Variants in WWOX observed in about 807,000 individuals in gnomAD.
WWOX encodes the protein WW domain-containing oxidoreductase.
Under a neutral mutation model 46.2 loss-of-function variants are expected in WWOX, and 69 were observed. The ratio of observed to expected loss-of-function variants is 1.49; its 90% confidence interval spans 1.23 to 1.82. WWOX has a LOEUF of 1.82. WWOX is among the 40% of genes most tolerant of loss of function. WWOX has a pLI of 0.00. For missense variants in WWOX, 919 were observed against 542.6 expected (o/e 1.69, Z -6.89); for synonymous variants, 359 against 202.6 (o/e 1.77, Z -6.56).
At chr16:78,129,138 T>C (rs55990308) in intron 4 of WWOX, among the ~76,000 whole-genome samples, 7,987 of 152,210 alleles carry the variant, frequency 0.052, 283 homozygotes, top group Non-Finnish European at 0.069. Context: ...GAGGACCTTT[T>C]TCCTCCCAGG....
chr16:79,121,052 A>C (rs905938888), intron 8 of WWOX, among the ~76,000 whole-genome samples: 4 of 152,178 alleles, frequency 2.6e-5, no homozygotes, highest in African/African-American at 7.2e-5. Context: ...TACAGGCGTG[A>C]GTCACCATGC....
chr16:79,042,472 A>G (rs1378754822), intron 8 of WWOX, among the ~76,000 whole-genome samples: 3 of 152,208 alleles, frequency 2.0e-5, no homozygotes, highest in African/African-American at 4.8e-5. Context: ...TGCCCAGTGT[A>G]AATTGGTCAG....
At chr16:78,242,899 T>G (rs778774491) in intron 5 of WWOX, among the ~76,000 whole-genome samples, 1 of 152,068 alleles carries the variant, frequency 6.6e-6, no homozygotes, top group Non-Finnish European at 1.5e-5. Flanking sequence ...TTCCAGCTAC[T>G]TGGGAGGCTG....
At chr16:79,155,919 GTC>G (rs1237627847) in intron 8 of WWOX, among the ~76,000 whole-genome samples, 2 of 151,712 alleles carry the variant, frequency 1.3e-5, no homozygotes. Flanking sequence ...CTAGGTACAA[GTC>G]TCTCTGTTGA....
chr16:79,115,712 A>G (rs1415784041), intron 8 of WWOX, among the ~76,000 whole-genome samples: 3 of 152,198 alleles, frequency 2.0e-5, no homozygotes, highest in Admixed American at 6.5e-5. Context: ...ACTTTTAAAT[A>G]AGAGAAAAAA....
chr16:79,180,021 A>C (rs1342554011), intron 8 of WWOX, among the ~76,000 whole-genome samples: 1 of 152,098 alleles, frequency 6.6e-6, no homozygotes, highest in Non-Finnish European at 1.5e-5. Flanking sequence ...ATCCCATAGA[A>C]GATGGTTGTT....
intron 8 of WWOX, among the ~76,000 whole-genome samples, chr16:78,530,183 T>C (rs534419329): frequency 2.3e-4 from 35 of 152,200 alleles, no homozygotes; most frequent in Non-Finnish European, 3.7e-4. Flanking sequence ...GGGATGCCCG[T>C]GACCCCTGAA....
At chr16:78,627,794 G>T (rs1288225671) in intron 8 of WWOX, among the ~76,000 whole-genome samples, 1 of 152,222 alleles carries the variant, frequency 6.6e-6, no homozygotes, top group Admixed American at 6.5e-5. Context: ...AGTAGAGTAT[G>T]CAGTGATTTC....
At chr16:78,955,415 T>C (rs1053589845) in intron 8 of WWOX, among the ~76,000 whole-genome samples, 1 of 152,098 alleles carries the variant, frequency 6.6e-6, no homozygotes, top group Non-Finnish European at 1.5e-5. Flanking sequence ...GTGTGAGTTA[T>C]TCAGAGTCCC....
At chr16:78,982,052 C>T (rs1285515351) in intron 8 of WWOX, among the ~76,000 whole-genome samples, 3 of 151,770 alleles carry the variant, frequency 2.0e-5, no homozygotes, top group African/African-American at 4.8e-5. Context: ...CTGGGTGAAA[C>T]GTGTTGTCTG....
At chr16:78,367,102 C>T (rs2081552569) in intron 5 of WWOX, among the ~76,000 whole-genome samples, 1 of 150,770 alleles carries the variant, frequency 6.6e-6, no homozygotes, top group African/African-American at 2.4e-5. Flanking sequence ...GCCTCAGCCT[C>T]CTAAGTAGCT....
intron 8 of WWOX, among the ~76,000 whole-genome samples, chr16:78,868,984 C>G (rs185649830): frequency 2.0e-5 from 3 of 152,208 alleles, no homozygotes; most frequent in South Asian, 2.1e-4. Context: ...CACACACATG[C>G]ATGCGATCTG....
intron 5 of WWOX, among the ~76,000 whole-genome samples, chr16:78,192,109 C>T (rs60196064): frequency 0.014 from 2,093 of 152,218 alleles, 36 homozygotes; most frequent in Middle Eastern, 0.048. Context: ...CAGGATCATT[C>T]ATACCCCAAA....
intron 6 of WWOX, among the ~76,000 whole-genome samples, chr16:78,408,570 G>A (rs764918843): frequency 1.3e-5 from 2 of 152,160 alleles, no homozygotes; most frequent in African/African-American, 4.8e-5. Context: ...TGTATCACAG[G>A]GAACTTGTGT....
intron 8 of WWOX, among the ~76,000 whole-genome samples, chr16:78,832,265 T>C (rs1031863608): frequency 1.3e-5 from 2 of 152,130 alleles, no homozygotes; most frequent in African/African-American, 2.4e-5. Flanking sequence ...GGCCTCTCTG[T>C]ACAGCTTCAG....
chr16:78,710,451 T>C (rs1326080075), intron 8 of WWOX, among the ~76,000 whole-genome samples: 1 of 126,858 alleles, frequency 7.9e-6, no homozygotes, highest in African/African-American at 3.0e-5. Context: ...CTTCTGTTGA[T>C]GCAATTAAAG....
chr16:78,278,733 T>A, intron 5 of WWOX: 1 of 1,401,868 alleles, frequency 7.1e-7, no homozygotes, highest in Non-Finnish European at 9.9e-7. Flanking sequence ...CCTGGTCTTT[T>A]CATGTTTTGA....
chr16:79,088,105 T>G (rs1401865493), intron 8 of WWOX, among the ~76,000 whole-genome samples: 2 of 152,156 alleles, frequency 1.3e-5, no homozygotes, highest in African/African-American at 4.8e-5. Context: ...TACTCTTGAC[T>G]CTCTCAGGCT....
rs568574260 is a variant in WWOX at position 78,722,256 on chromosome 16, G to A, written c.1056+289504G>A. Among the ~76,000 whole-genome samples the A allele has an allele frequency of 2.0e-5, 3 of 152,186 alleles. No homozygotes were observed. The South Asian group carries it at 6.2e-4, about 32-fold the overall frequency. On this transcript the variant is annotated intron_variant, in intron 8 of 8. Transcript: ENST00000566780. Reference sequence around the variant, plus strand: ...TGACTCCGGGTTCAGACGGACTTGGGGTTCAGTCCTAGCTCTGGCGCTTAC... The same window carrying A: ...TGACTCCGGGTTCAGACGGACTTGGAGTTCAGTCCTAGCTCTGGCGCTTAC...
Sources: gnomAD v4.1 joint callset for allele counts (sites outside exome capture counted in the v4.1 genomes callset) on GRCh38, gnomAD v4.1.1 for gene constraint, MANE v1.5 for transcripts, NCBI Gene and HGNC (gene_info 2026-07-23, HGNC 2026-07-21) for gene names.